Variants in USP22 observed in about 807,000 individuals in gnomAD.
The protein encoded by USP22 is ubiquitin carboxyl-terminal hydrolase 22.
In USP22, 22 loss-of-function variants were observed where a neutral mutation model predicts 68.1. The observed-to-expected ratio is 0.32, with a 90% CI of 0.23 to 0.46. The LOEUF (loss-of-function observed/expected upper bound fraction) is 0.46. Ranked by LOEUF, USP22 falls within the 20% of genes least tolerant of loss-of-function variation. The pLI is 1.00. For synonymous variants in USP22, 279 were observed against 274.2 expected, an observed-to-expected ratio of 1.02 and a Z score of -0.17; for missense variants, 433 against 695.8, an observed-to-expected ratio of 0.62 and a Z score of 4.25.
chr17:21,009,091 CAAAAAAAAAAA>C (rs56665164), intron 8 of USP22, among the ~76,000 whole-genome samples: 3 of 91,906 alleles, frequency 3.3e-5, no homozygotes, highest in African/African-American at 1.3e-4. Context: ...GACTCCATTT[CAAAAAAAAAAA>C]AAAAAAAAAA....
chr17:21,011,511 G>T, intron 7 of USP22: 1 of 618,070 alleles, frequency 1.6e-6, no homozygotes, highest in Non-Finnish European at 2.7e-6. Context: ...GGGGAGGGGT[G>T]TGTGTGAACT....
intron 1 of USP22, among the ~76,000 whole-genome samples, chr17:21,039,078 A>G (rs547014813): frequency 9.2e-5 from 14 of 151,974 alleles, no homozygotes; most frequent in African/African-American, 3.1e-4. Flanking sequence ...CAGCCTCACG[A>G]GTAGCTGGGA....
chr17:21,019,231 A>G, intron 3 of USP22, 46 bp from the exon 4 acceptor site: 1 of 1,579,224 alleles, frequency 6.3e-7, no homozygotes, highest in Non-Finnish European at 8.7e-7. Flanking sequence ...CTAGATTTTC[A>G]CATCAAGTGT....
In USP22 at chr17:21,004,345, G is replaced by C. The variant is rs1317256396; in HGVS notation, c.1392C>G (p.Ser464=). 6.2e-7 allele frequency: 1 copy of C among 1,613,952 alleles called. No homozygotes were observed. Among genetic ancestry groups the C allele is most frequent in the Non-Finnish European group, 8.5e-7 (1 of 1,179,982 alleles). ...TDSLNNDNKY[S]LFAVVNHQGT... is the part of the protein sequence containing the mutation. Reference sequence around the variant, plus strand: ...CTTGATGGTTAACAACAGCAAACAGGGAATACCTAGTGCAGGAGCAAAGGA... The same window carrying C: ...CTTGATGGTTAACAACAGCAAACAGCGAATACCTAGTGCAGGAGCAAAGGA... The change falls in exon 12 of 13, where the codon TCC becomes TCG. Residue 464 remains serine (S), a synonymous_variant. Coordinates refer to ENST00000261497, the MANE Select transcript of USP22 (RefSeq NM_015276.2).
chr17:21,004,927 C>T lies in USP22; in HGVS notation c.1385+1G>A. On this transcript the variant is annotated splice_donor_variant, in intron 11 of 12. Transcript: ENST00000261497. LOFTEE classifies it high-confidence loss of function. ...CACCCACACCGCTAAGCACCACTTACTTGTTGTCATTGTTGAGACTGTCCG... is the reference window on the plus strand; with the variant it reads ...CACCCACACCGCTAAGCACCACTTATTTGTTGTCATTGTTGAGACTGTCCG... 6.2e-7 allele frequency: 1 copy of T among 1,614,212 alleles called. No homozygotes were observed. Among genetic ancestry groups the T allele is most frequent in the Non-Finnish European group, 8.5e-7 (1 of 1,180,038 alleles).
intron 6 of USP22, among the ~76,000 whole-genome samples, chr17:21,014,784 G>A (rs908070189): frequency 6.6e-6 from 1 of 152,108 alleles, no homozygotes; most frequent in African/African-American, 2.4e-5. Context: ...ATAGGATATC[G>A]GCTACAACTA....
At chr17:21,043,046 C>T (rs893732584), upstream of USP22, 5 of 271,856 alleles carry the variant, frequency 1.8e-5, no homozygotes, top group Admixed American at 1.1e-4. Flanking sequence ...CTGCTGCGGA[C>T]CGCCTGCGCT....
At chr17:21,017,757 A>T (rs867276758) in intron 5 of USP22, among the ~76,000 whole-genome samples, 185 bp downstream of exon 5, 2 of 152,210 alleles carry the variant, frequency 1.3e-5, no homozygotes, top group Admixed American at 1.3e-4. Context: ...CGTCCCCAAA[A>T]ATCACGCCAG....
intron 1 of USP22, among the ~76,000 whole-genome samples, chr17:21,038,636 C>G (rs1228030299): frequency 6.6e-6 from 1 of 150,688 alleles, no homozygotes; most frequent in Admixed American, 6.6e-5. Flanking sequence ...CCACTGCACT[C>G]CAGCCTGAGT....
intron 11 of USP22, 72 bp downstream of exon 11, chr17:21,004,855 CA>C: frequency 1.9e-6 from 3 of 1,569,588 alleles, no homozygotes; most frequent in Non-Finnish European, 2.6e-6. Flanking sequence ...GGGCGCCCTA[CA>C]AGGCAGACAG....
intron 10 of USP22, 131 bp from the exon 11 acceptor site, chr17:21,005,121 G>T: frequency 2.0e-6 from 2 of 1,021,832 alleles, no homozygotes; most frequent in Non-Finnish European, 2.9e-6. Context: ...TTATGCTTCA[G>T]GCAGAAATCT....
At chr17:21,036,071 T>G (rs1385510024) in intron 1 of USP22, among the ~76,000 whole-genome samples, 1 of 135,544 alleles carries the variant, frequency 7.4e-6, no homozygotes, top group African/African-American at 2.8e-5. Context: ...GAACTTTCAA[T>G]CCACTCAATG....
At chr17:21,013,196 C>G (rs1426506794) in intron 6 of USP22, among the ~76,000 whole-genome samples, 1 of 152,214 alleles carries the variant, frequency 6.6e-6, no homozygotes, top group Admixed American at 6.5e-5. Flanking sequence ...GAAAACCCAC[C>G]TAATGCCCAG....
rs893832398 is a variant in USP22 at position 21,002,960 on chromosome 17, G to A, written c.*71C>T. The A allele has an allele frequency of 2.8e-5, 42 of 1,514,408 alleles. No homozygotes were observed. Among genetic ancestry groups the A allele is most frequent in the Non-Finnish European group, 1.6e-5 (18 of 1,108,412 alleles). 93.8% of individuals were successfully genotyped at this position (1,514,408 alleles called of 1,614,324 possible). ...CGGCGGGAGACTTGGGGGAGGGGGGGGCCAGGGAGGATCACTTTGTGAGGC... is the reference window on the plus strand; with the variant it reads ...CGGCGGGAGACTTGGGGGAGGGGGGAGCCAGGGAGGATCACTTTGTGAGGC... On this transcript the variant is annotated 3_prime_UTR_variant, in exon 13 of 13. Transcript: ENST00000261497.
At chr17:21,028,419 G>A (rs1484391187) in intron 2 of USP22, 123 bp downstream of exon 2, 10 of 1,431,116 alleles carry the variant, frequency 7.0e-6, no homozygotes, top group Admixed American at 5.8e-5. Flanking sequence ...CCAGTGAGGG[G>A]CACGCATTAC....
intron 1 of USP22, among the ~76,000 whole-genome samples, chr17:21,030,585 C>T (rs2143620851): frequency 6.6e-6 from 1 of 152,364 alleles, no homozygotes; most frequent in East Asian, 1.9e-4. Flanking sequence ...GTGCAGAGAA[C>T]AACATGGCGG....
intron 1 of USP22, 103 bp from the exon 2 acceptor site, chr17:21,028,777 A>G (rs1972254268): frequency 7.2e-7 from 1 of 1,395,180 alleles, no homozygotes; most frequent in African/African-American, 1.5e-5. Context: ...TACTGGAAGA[A>G]AGGACAGGGA....
At chr17:21,015,272 A>AAG (rs1322020336) in intron 6 of USP22, among the ~76,000 whole-genome samples, 1 of 152,222 alleles carries the variant, frequency 6.6e-6, no homozygotes, top group Non-Finnish European at 1.5e-5. Flanking sequence ...ATGAGACCCC[A>AAG]AGAGAAGCTT....
At chr17:21,014,344 C>T (rs1408672120) in intron 6 of USP22, among the ~76,000 whole-genome samples, 2 of 152,234 alleles carry the variant, frequency 1.3e-5, no homozygotes, top group African/African-American at 2.4e-5. Flanking sequence ...CTGCTGCTTA[C>T]AGAAGGCTCT....
Sources: gnomAD v4.1 joint callset for allele counts (sites outside exome capture counted in the v4.1 genomes callset) on GRCh38, gnomAD v4.1.1 for gene constraint, MANE v1.5 for transcripts, NCBI Gene and HGNC (gene_info 2026-07-23, HGNC 2026-07-21) for gene names.